Variants in RANBP1 observed in about 807,000 individuals in gnomAD.
RANBP1 encodes ran-specific GTPase-activating protein.
RANBP1 carries 16 observed loss-of-function variants against 31.4 expected under a neutral mutation model. That is an observed-to-expected ratio of 0.51 (90% CI 0.34 to 0.77). RANBP1 has a LOEUF of 0.77. Among genes scored for constraint, RANBP1 ranks in the 30% least tolerant of loss-of-function variants. The probability of loss-of-function intolerance (pLI) is 0.01; values close to 1 mark genes in which losing one functional copy is unlikely to be tolerated. For missense variants in RANBP1, 265 were observed against 362.0 expected (o/e 0.73, Z 2.17); for synonymous variants, 129 against 140.5 (o/e 0.92, Z 0.58).
At chr22:20,126,899 G>T (rs530874822) in intron 5 of RANBP1, 53 bp from the exon 6 acceptor site, 1 of 1,589,130 alleles carries the variant, frequency 6.3e-7, no homozygotes, top group African/African-American at 1.3e-5. Context: ...CGAGGGCCAT[G>T]TGCTTGAATG....
chr22:20,118,089 C>A (rs1181856489), intron 1 of RANBP1: 2 of 999,598 alleles, frequency 2.0e-6, no homozygotes, highest in Non-Finnish European at 2.4e-6. Context: ...GGAACCGCCA[C>A]TGGCCTCTGT....
At chr22:20,122,588 C>T in intron 3 of RANBP1, 167 bp downstream of exon 3, 1 of 1,538,340 alleles carries the variant, frequency 6.5e-7, no homozygotes, top group South Asian at 1.2e-5. Context: ...AGACGTGCCT[C>T]TGAACTCAGA....
chr22:20,123,725 G>A (rs1171201629), intron 3 of RANBP1, among the ~76,000 whole-genome samples: 1 of 152,034 alleles, frequency 6.6e-6, no homozygotes, highest in Non-Finnish European at 1.5e-5. Context: ...CCCTGTGAGG[G>A]GTCCAGCCTG....
chr22:20,117,234 G>A, intron 1 of RANBP1: 1 of 533,244 alleles, frequency 1.9e-6, no homozygotes, highest in Non-Finnish European at 3.0e-6. Context: ...TATGATCCTG[G>A]CTTCTGGCAA....
intron 1 of RANBP1, chr22:20,116,834 CTCCTCCCA>C: frequency 6.5e-7 from 1 of 1,534,922 alleles, no homozygotes; most frequent in Non-Finnish European, 8.9e-7. Context: ...CCCACCCCGC[CTCCTCCCA>C]CCCCATCCCC....
rs376753468 is a variant in RANBP1, at chr22:20,127,049, A to C, written c.834A>C (p.Gln278His). Residue 278 changes from glutamine (Q) to histidine (H), a missense_variant, in exon 6 of 6, where the codon CAA becomes CAC. Coordinates refer to ENST00000430524, the MANE Select transcript of RANBP1 (RefSeq NM_001278639.2). Reference sequence around the variant, plus strand: ...CCAAGGAGGATGCTGAGGAGAAGCAATAAATCGTCTTATTTTATTTTCTTT... The same window carrying C: ...CCAAGGAGGATGCTGAGGAGAAGCACTAAATCGTCTTATTTTATTTTCTTT... ...EETKEDAEEK[Q>H] is the part of the protein sequence containing the mutation. 1.3e-4 allele frequency: 202 copies of C among 1,602,578 alleles called. No individual in the cohort carries two copies. Among genetic ancestry groups the C allele is most frequent in the Non-Finnish European group, 1.6e-4 (183 of 1,175,526 alleles).
chr22:20,121,300 T>C (rs924923064), intron 2 of RANBP1, among the ~76,000 whole-genome samples: 1 of 151,824 alleles, frequency 6.6e-6, no homozygotes, highest in Non-Finnish European at 1.5e-5. Context: ...CCCAGGCTGG[T>C]GCGCAATGGT....
At chr22:20,118,145 C>T (rs1164180362) in intron 1 of RANBP1, 3 of 1,001,192 alleles carry the variant, frequency 3.0e-6, no homozygotes, top group East Asian at 1.1e-4. Context: ...CTAGATGCGC[C>T]GACCCAGGCG....
At chr22:20,126,441 G>C (rs763144548) in intron 5 of RANBP1, 73 bp downstream of exon 5, 2 of 1,610,568 alleles carry the variant, frequency 1.2e-6, no homozygotes, top group Non-Finnish European at 8.5e-7. Context: ...CCAGGCGGGT[G>C]CTTTTTCTGT....
chr22:20,124,975 C>G (rs1470367169), intron 3 of RANBP1: 1 of 332,186 alleles, frequency 3.0e-6, no homozygotes, highest in African/African-American at 2.3e-5. Flanking sequence ...CTCTGCTTCT[C>G]TGCATTTCTG....
In RANBP1 at chr22:20,122,273, A is replaced by G; in HGVS notation, c.393A>G (p.Lys131=). ...ACGGCTTTTCTTGCAGGCGGGCAAA[A>G]CTGTTCCGATTTGCCTCTGAGAACG... ...DEEELFKMRA[K]LFRFASENDL... The change falls in exon 3 of 6, where the codon AAA becomes AAG. Residue 131 remains lysine, a synonymous_variant. Coordinates refer to ENST00000430524, the MANE Select transcript of RANBP1 (RefSeq NM_001278639.2). The G allele has an allele frequency of 1.9e-6, 3 of 1,612,702 alleles. No individual in the cohort carries two copies. Among genetic ancestry groups the G allele is most frequent in the East Asian group, 2.2e-5 (1 of 44,834 alleles).
At chr22:20,118,876 C>G in intron 1 of RANBP1, 137 bp from the exon 2 acceptor site, 1 of 824,268 alleles carries the variant, frequency 1.2e-6, no homozygotes, top group South Asian at 1.8e-5. Flanking sequence ...GGCCTAATTT[C>G]TTGCTTTGGG....
In RANBP1 at chr22:20,126,349, C is replaced by G. The variant is rs769969249; in HGVS notation, c.717C>G (p.Ile239Met). 13 of 1,613,798 alleles carry G rather than the reference C, an allele frequency of 8.1e-6. No individual in the cohort carries two copies. In the Admixed American group the frequency reaches 1.0e-4, roughly 12 times the overall value. The change falls in exon 5 of 6, where the codon ATC (isoleucine) becomes ATG (methionine). Residue 239 changes from isoleucine to methionine, a missense_variant. Physicochemically the swap from Ile to Met is conservative, Grantham distance 10. Around this residue, in one of 3 missense-constraint regions of RANBP1, gnomAD observed 49 missense variants for 47.9 expected, o/e 1.02. Transcript: ENST00000430524. ...KTKFEECRKE[I>M]EEREKKAGSG... The stretch of plus-strand genomic sequence containing the variant: ...AGTTTGAAGAATGCAGGAAAGAGAT[C>G]GAAGAGAGAGAAAAGAAAGGTGACG...
chr22:20,116,631 G>A (rs1345938807), intron 1 of RANBP1: 1 of 1,521,288 alleles, frequency 6.6e-7, no homozygotes, highest in Non-Finnish European at 8.8e-7. Context: ...GGACAGATGG[G>A]GTGCTAGGGT....
At chr22:20,126,254 T>C (rs175163) in intron 4 of RANBP1, 49 bp from the exon 5 acceptor site, 432,667 of 1,585,930 alleles carry the variant, frequency 0.27, 59,737 homozygotes, top group South Asian at 0.31. Flanking sequence ...AGGGCATGTC[T>C]CTTCCACTGC....
chr22:20,116,941 C>CA (rs761775765), intron 1 of RANBP1: 1 of 1,578,588 alleles, frequency 6.3e-7, no homozygotes, highest in Admixed American at 1.8e-5. Flanking sequence ...CCAGGGACGC[C>CA]ATGGGGGCCG....
intron 1 of RANBP1, 67 bp from the exon 2 acceptor site, chr22:20,118,946 A>C: frequency 6.5e-7 from 1 of 1,541,858 alleles, no homozygotes; most frequent in Non-Finnish European, 8.8e-7. Context: ...CACTGCAGGC[A>C]CTGGTTGGGC....
intron 2 of RANBP1, 122 bp downstream of exon 2, chr22:20,119,271 T>G: frequency 2.2e-6 from 2 of 918,724 alleles, no homozygotes; most frequent in Middle Eastern, 2.2e-4. Flanking sequence ...GGGCCTAAAG[T>G]TGGTGACTAA....
rs1277862414 is a variant in RANBP1, at chr22:20,117,711, G to A, written c.246+1281G>A. The A allele has an allele frequency of 1.4e-5, 16 of 1,120,926 alleles. No individual in the cohort carries two copies. The Admixed American group carries it at 3.5e-4, about 24-fold the overall frequency. 69.4% of individuals were successfully genotyped at this position (1,120,926 alleles called of 1,614,324 possible). A position where few individuals can be genotyped will look rare whatever the true frequency, so the allele number is the denominator to read the frequency against. Reference sequence around the variant, plus strand: ...GACAGGGTGGGCGGGCGGGGCCGGGGCCGTTATCAGCGGCCACGTGGGCGG... The same window carrying A: ...GACAGGGTGGGCGGGCGGGGCCGGGACCGTTATCAGCGGCCACGTGGGCGG... On this transcript the variant is annotated intron_variant, in intron 1 of 5. Coordinates refer to ENST00000430524, the MANE Select transcript of RANBP1 (RefSeq NM_001278639.2).
Sources: allele counts gnomAD v4.1 joint callset (sites outside exome capture counted in the v4.1 genomes callset), GRCh38; gene constraint gnomAD v4.1.1; regional missense constraint gnomAD v4.1.1; transcripts MANE v1.5; gene names NCBI Gene and HGNC (gene_info 2026-07-23, HGNC 2026-07-21).